The following EYS variants were observed in gnomAD, a reference collection of about 807,000 sequenced individuals.
EYS encodes the protein EGF-like photoreceptor maintenance factor, also known as protein eyes shut homolog.
In EYS, 250 loss-of-function variants were observed where a neutral mutation model predicts 282.1. That is an observed-to-expected ratio of 0.89 (90% confidence interval 0.80 to 0.98). The LOEUF (loss-of-function observed/expected upper bound fraction) is 0.98. Among genes scored for constraint, EYS ranks in the 50% least tolerant of loss-of-function variants. EYS has a pLI of 0.00. For synonymous variants in EYS, 1,355 were observed against 1,282.9 expected (o/e 1.06, Z -1.20); for missense variants, 4,016 against 3,709.0 (o/e 1.08, Z -2.15).
chr6:65,537,866 A>T (rs950755803), intron 2 of EYS, among the ~76,000 whole-genome samples: 3 of 152,198 alleles, frequency 2.0e-5, no homozygotes, highest in Admixed American at 6.5e-5. Context: ...CTTTGCTGAT[A>T]GCAGGATCCC....
chr6:65,322,807 A>G (rs182352304), intron 11 of EYS, among the ~76,000 whole-genome samples: 48 of 138,394 alleles, frequency 3.5e-4, no homozygotes, highest in South Asian at 8.6e-4. Flanking sequence ...AAAAAAAAAA[A>G]AAAAAAGAAA....
chr6:63,801,102 C>T (rs1770772733), intron 37 of EYS, among the ~76,000 whole-genome samples: 1 of 152,068 alleles, frequency 6.6e-6, no homozygotes, highest in Non-Finnish European at 1.5e-5. Flanking sequence ...TATGATGAAA[C>T]ATGTTGATTA....
intron 26 of EYS, among the ~76,000 whole-genome samples, chr6:64,504,988 T>C (rs1403436130): frequency 1.3e-5 from 2 of 152,192 alleles, no homozygotes; most frequent in Non-Finnish European, 2.9e-5. Flanking sequence ...GTGAATTTTA[T>C]AATGGAATAG....
chr6:64,049,309 C>T (rs1206803133), intron 33 of EYS, among the ~76,000 whole-genome samples: 1 of 152,172 alleles, frequency 6.6e-6, no homozygotes, highest in African/African-American at 2.4e-5. Context: ...ATATATCCCT[C>T]TATTCATCCA....
intron 22 of EYS, among the ~76,000 whole-genome samples, chr6:64,681,857 T>G (rs531751298): frequency 4.0e-4 from 61 of 152,288 alleles, no homozygotes; most frequent in African/African-American, 1.3e-3. Flanking sequence ...AGGCAGTTAA[T>G]CATTCTTTTA....
At chr6:63,858,866 T>C (rs1772459704) in intron 36 of EYS, among the ~76,000 whole-genome samples, 1 of 152,062 alleles carries the variant, frequency 6.6e-6, no homozygotes, top group South Asian at 2.1e-4. Context: ...TCTTGAAATA[T>C]GCCATTACAA....
chr6:63,783,910 C>T (rs1410764328), intron 39 of EYS, among the ~76,000 whole-genome samples: 4 of 152,072 alleles, frequency 2.6e-5, no homozygotes, highest in Non-Finnish European at 5.9e-5. Context: ...ATGAGATTAA[C>T]ACTTGAATTG....
chr6:64,956,237 A>G (rs1037810425), intron 14 of EYS, among the ~76,000 whole-genome samples: 5 of 152,236 alleles, frequency 3.3e-5, no homozygotes, highest in African/African-American at 1.2e-4. Context: ...GCTGGCATAA[A>G]AACAGATACA....
chr6:65,697,875 T>C (rs151051380), intron 1 of EYS, among the ~76,000 whole-genome samples: 2 of 152,236 alleles, frequency 1.3e-5, no homozygotes, highest in African/African-American at 2.4e-5. Context: ...AAGAAGACAT[T>C]TTCAGAACCT....
rs566391025 is a variant in EYS, at chr6:64,505,955, G to T, written c.5645-66603C>A. On this transcript the variant is annotated intron_variant, in intron 26 of 42. Transcript: ENST00000503581. ...CACAGCTATGCAGGAGCCTACGGCA[G>T]GTTGAAATAAGTGACAGCTTTGAAA... Among the ~76,000 whole-genome samples the T allele has an allele frequency of 3.9e-5, 6 of 152,246 alleles. No homozygotes were observed. In the South Asian group the frequency reaches 1.2e-3, roughly 32 times the overall value.
Position 65,097,234 on chromosome 6 carries a change from A to G in EYS, c.2024-39507T>C, listed in dbSNP as rs114956055. ...GAAGAAATACTGATGGCCAACAGGTATATGAAAAAATGCTCAACCTCACGA... is the reference window on the plus strand; with the variant it reads ...GAAGAAATACTGATGGCCAACAGGTGTATGAAAAAATGCTCAACCTCACGA... On this transcript the variant is annotated intron_variant, in intron 12 of 42. Coordinates refer to ENST00000503581, the MANE Select transcript of EYS (RefSeq NM_001142800.2). Among the ~76,000 whole-genome samples the G allele has an allele frequency of 7.5e-3, 1,131 of 151,300 alleles. 23 individuals carry two copies. The highest frequency in any genetic ancestry group is 0.024 in the African/African-American group (1,015 of 41,500).
chr6:64,017,927 C>A lies in EYS; in HGVS notation c.6726-18744G>T, dbSNP rs145353823. 2.4e-4 allele frequency among the ~76,000 whole-genome samples: 36 copies of A among 152,250 alleles called. No individual in the cohort carries two copies. The East Asian group carries it at 6.4e-3, about 27-fold the overall frequency. ...TACATTTTCATTGACCTTCTAAACC[C>A]TTATATTCTCTCATATTGCCCAATG... On this transcript the variant is annotated intron_variant, in intron 33 of 42. Coordinates refer to ENST00000503581, the MANE Select transcript of EYS (RefSeq NM_001142800.2).
At chr6:64,649,934 T>C (rs1161606012) in intron 22 of EYS, among the ~76,000 whole-genome samples, 2 of 152,116 alleles carry the variant, frequency 1.3e-5, no homozygotes, top group East Asian at 3.8e-4. Flanking sequence ...TCACAGAAAT[T>C]AACCAGTTTT....
intron 35 of EYS, among the ~76,000 whole-genome samples, chr6:63,972,108 A>G (rs1264995793): frequency 2.0e-5 from 3 of 152,218 alleles, no homozygotes; most frequent in Non-Finnish European, 2.9e-5. Context: ...GTTAATAGGT[A>G]TTCCTGGAAA....
rs569788823 is a variant in EYS at position 65,468,579 on chromosome 6, T to C, written c.862+22015A>G. Among the ~76,000 whole-genome samples the C allele has an allele frequency of 2.0e-5, 3 of 152,220 alleles. No individual in the cohort carries two copies. In the East Asian group the frequency reaches 5.8e-4, roughly 29 times the overall value. On this transcript the variant is annotated intron_variant, in intron 5 of 42. Transcript: ENST00000503581. ...ATGTCAGGACCTGAATATAACCTCCTTTTTCATTATGACTCTTATGTATTC... is the reference window on the plus strand; with the variant it reads ...ATGTCAGGACCTGAATATAACCTCCCTTTTCATTATGACTCTTATGTATTC...
chr6:63,913,379 C>T (rs1200153635), intron 35 of EYS, among the ~76,000 whole-genome samples: 4 of 152,172 alleles, frequency 2.6e-5, no homozygotes, highest in Non-Finnish European at 4.4e-5. Flanking sequence ...TCATTTAAGG[C>T]ATACAGTTCA....
intron 19 of EYS, among the ~76,000 whole-genome samples, chr6:64,885,563 T>A (rs1767060859): frequency 1.3e-5 from 2 of 151,808 alleles, no homozygotes; most frequent in Admixed American, 1.3e-4. Context: ...ATTTTGAAGA[T>A]AATGGGCAAT....
rs557400550 is a variant in EYS at position 65,096,518 on chromosome 6, A to G, written c.2024-38791T>C. Among the ~76,000 whole-genome samples, 6 of 151,140 alleles carry G rather than the reference A, an allele frequency of 4.0e-5. No individual in the cohort carries two copies. The South Asian group carries it at 1.2e-3, about 31-fold the overall frequency. Reference sequence around the variant, plus strand: ...ATTGTGAAATTTGTATGATACCACAAAAGAACCCTCATAGATGAAACAATG... The same window carrying G: ...ATTGTGAAATTTGTATGATACCACAGAAGAACCCTCATAGATGAAACAATG... On this transcript the variant is annotated intron_variant, in intron 12 of 42. Transcript: ENST00000503581.
intron 12 of EYS, among the ~76,000 whole-genome samples, chr6:65,153,124 C>G (rs993310181): frequency 6.6e-6 from 1 of 151,786 alleles, no homozygotes; most frequent in Non-Finnish European, 1.5e-5. Flanking sequence ...ATCCATCTCG[C>G]GAGATTAAGC....
Sources: allele counts gnomAD v4.1 joint callset (sites outside exome capture counted in the v4.1 genomes callset), GRCh38; gene constraint gnomAD v4.1.1; transcripts MANE v1.5; gene names NCBI Gene and HGNC (gene_info 2026-07-23, HGNC 2026-07-21).